Variants in ITGA9 observed in about 807,000 individuals in gnomAD.
The protein encoded by ITGA9 is integrin subunit alpha 9.
ITGA9 carries 56 observed loss-of-function variants against 127.8 expected under a neutral mutation model. The observed-to-expected ratio is 0.44, with a 90% CI of 0.35 to 0.55. The LOEUF is 0.55. Ranked by LOEUF, ITGA9 falls within the 20% of genes least tolerant of loss-of-function variation. The pLI is 0.00. For synonymous variants in ITGA9, 508 were observed against 514.5 expected (o/e 0.99, Z 0.17); for missense variants, 1,196 against 1,347.1 (o/e 0.89, Z 1.76).
intron 18 of ITGA9, among the ~76,000 whole-genome samples, chr3:37,721,628 T>C (rs1360437551): frequency 2.0e-5 from 3 of 152,206 alleles, no homozygotes; most frequent in Non-Finnish European, 4.4e-5. Flanking sequence ...GCTTTCTTTG[T>C]CCTGCTTCTC....
rs1701143548 is a variant in ITGA9, at chr3:37,717,078, G to A, written c.2068-15634G>A. ...CCTGTCCTCGTGGGCATTTCCTAAA[G>A]CTTCAGCCCTAAGCTGGTATATGTT... On this transcript the variant is annotated intron_variant, in intron 18 of 27. Coordinates refer to ENST00000264741, the MANE Select transcript of ITGA9 (RefSeq NM_002207.3). Among the ~76,000 whole-genome samples, 6 of 152,320 alleles carry A rather than the reference G, an allele frequency of 3.9e-5. No homozygotes were observed. In the South Asian group the frequency reaches 1.2e-3, roughly 32 times the overall value.
chr3:37,510,513 C>G (rs1310768076), intron 8 of ITGA9, among the ~76,000 whole-genome samples: 1 of 152,122 alleles, frequency 6.6e-6, no homozygotes, highest in Non-Finnish European at 1.5e-5. Flanking sequence ...GGATGAGAAC[C>G]TATGCTCAAG....
In ITGA9 at chr3:37,722,537, C is replaced by T. The variant is rs142625486; in HGVS notation, c.2068-10175C>T. Among the ~76,000 whole-genome samples the T allele has an allele frequency of 7.9e-4, 121 of 152,288 alleles. 1 individual carries two copies. Among genetic ancestry groups the T allele is most frequent in the African/African-American group, 2.5e-3 (104 of 41,562 alleles). On this transcript the variant is annotated intron_variant, in intron 18 of 27. Transcript: ENST00000264741. ...TCTCTCTAGATTTGCCTATTCTGGA[C>T]ATTGTGTATAAGTGGAATCATTTAT... is the stretch of plus-strand genomic sequence containing the variant.
chr3:37,497,266 G>A (rs1272514169), intron 5 of ITGA9, among the ~76,000 whole-genome samples: 1 of 149,860 alleles, frequency 6.7e-6, no homozygotes, highest in Non-Finnish European at 1.5e-5. Context: ...TATGTTTTAA[G>A]TTTGCCTATG....
chr3:37,819,279 A>G lies in ITGA9; in HGVS notation c.*290A>G, dbSNP rs1378406725. ...ACACGCATGGTCAACCCTCAGGGGA[A>G]AACTGTTACCTAAAGTATTTTTATA... is the stretch of plus-strand genomic sequence containing the variant. On this transcript the variant is annotated 3_prime_UTR_variant, in exon 28 of 28. Coordinates refer to ENST00000264741, the MANE Select transcript of ITGA9 (RefSeq NM_002207.3). 34 of 473,986 alleles carry G rather than the reference A, an allele frequency of 7.2e-5. No individual in the cohort carries two copies. Among genetic ancestry groups the G allele is most frequent in the Non-Finnish European group, 1.2e-4 (32 of 263,128 alleles). 29.4% of individuals were successfully genotyped at this position (473,986 alleles called of 1,614,324 possible).
At chr3:37,628,714 G>T (rs570800175) in intron 15 of ITGA9, among the ~76,000 whole-genome samples, 1 of 152,110 alleles carries the variant, frequency 6.6e-6, no homozygotes, top group Non-Finnish European at 1.5e-5. Context: ...CCTTGCCTCC[G>T]CTGATGTCTA....
At chr3:37,731,362 C>T (rs1696290148) in intron 18 of ITGA9, among the ~76,000 whole-genome samples, 1 of 152,176 alleles carries the variant, frequency 6.6e-6, no homozygotes, top group Non-Finnish European at 1.5e-5. Context: ...CAAGGTGATA[C>T]TAACGCTGGC....
At chr3:37,544,231 G>A (rs1699304420) in intron 15 of ITGA9, among the ~76,000 whole-genome samples, 1 of 152,200 alleles carries the variant, frequency 6.6e-6, no homozygotes, top group African/African-American at 2.4e-5. Context: ...TGGCAATAGT[G>A]AAGTGCAGGC....
At chr3:37,496,832 G>A (rs1416048804) in intron 5 of ITGA9, among the ~76,000 whole-genome samples, 5 of 152,148 alleles carry the variant, frequency 3.3e-5, no homozygotes, top group Non-Finnish European at 5.9e-5. Flanking sequence ...ATCCATTCAC[G>A]TGGCTCCTTG....
rs1018976981 is a variant in ITGA9 at position 37,799,219 on chromosome 3, C to A, written c.2890-4604C>A. Among the ~76,000 whole-genome samples the A allele has an allele frequency of 6.6e-6, 1 of 151,966 alleles. No individual in the cohort carries two copies. Among genetic ancestry groups the A allele is most frequent in the Non-Finnish European group, 1.5e-5 (1 of 68,020 alleles). On this transcript the variant is annotated intron_variant, in intron 26 of 27. Transcript: ENST00000264741. The surrounding 1 kb of genome is among the most constrained non-coding windows in gnomAD (Gnocchi z 4.0). ...TTTAAGACAGAGTCTTGCTCTTTCACCCAGGCTGGAATGCAGTGGTGCCAC... is the reference window on the plus strand; with the variant it reads ...TTTAAGACAGAGTCTTGCTCTTTCAACCAGGCTGGAATGCAGTGGTGCCAC...
At chr3:37,586,438 G>A (rs933280767) in intron 15 of ITGA9, among the ~76,000 whole-genome samples, 4 of 152,144 alleles carry the variant, frequency 2.6e-5, no homozygotes, top group Admixed American at 2.6e-4. Context: ...CTCTGGAGAG[G>A]AACACAGATG....
intron 27 of ITGA9, among the ~76,000 whole-genome samples, chr3:37,809,515 G>A (rs947771506): frequency 1.3e-5 from 2 of 152,106 alleles, no homozygotes; most frequent in African/African-American, 4.8e-5. Context: ...TTGGGGAAGA[G>A]GAGGCAAACA....
At chr3:37,592,649 G>A (rs981163068) in intron 15 of ITGA9, among the ~76,000 whole-genome samples, 2 of 152,180 alleles carry the variant, frequency 1.3e-5, no homozygotes, top group African/African-American at 2.4e-5. Flanking sequence ...GGGAAACGGC[G>A]AGGTCAAGTC....
At chr3:37,808,208 C>A (rs1697322266) in intron 27 of ITGA9, 1 of 152,278 alleles carries the variant, frequency 6.6e-6, no homozygotes, top group African/African-American at 2.4e-5. Flanking sequence ...GGACTACTAG[C>A]CACAGACGCA....
At chr3:37,615,278 G>C (rs1700063066) in intron 15 of ITGA9, among the ~76,000 whole-genome samples, 1 of 152,144 alleles carries the variant, frequency 6.6e-6, no homozygotes, top group South Asian at 2.1e-4. Flanking sequence ...TTATTGATTT[G>C]CGTATGTTGA....
intron 3 of ITGA9, among the ~76,000 whole-genome samples, chr3:37,477,116 T>A (rs1277846415): frequency 1.3e-5 from 2 of 152,220 alleles, no homozygotes; most frequent in Admixed American, 1.3e-4. Context: ...TCTTTAATGT[T>A]TCAACCCTAC....
At chr3:37,463,163 G>T (rs554742448) in intron 1 of ITGA9, among the ~76,000 whole-genome samples, 1 of 152,308 alleles carries the variant, frequency 6.6e-6, no homozygotes, top group South Asian at 2.1e-4. Flanking sequence ...GACTTAGCGG[G>T]AATTAGTGGG....
chr3:37,807,242 C>A (rs908039427), intron 27 of ITGA9: 1 of 152,258 alleles, frequency 6.6e-6, no homozygotes, highest in Non-Finnish European at 1.5e-5. Context: ...GAGACCATCA[C>A]CTCCAGTTTG....
intron 18 of ITGA9, among the ~76,000 whole-genome samples, chr3:37,700,935 G>T (rs1700939376): frequency 6.6e-6 from 1 of 152,210 alleles, no homozygotes; most frequent in African/African-American, 2.4e-5. Context: ...TCAGGAATCA[G>T]AAATGGAGAA....
Sources: gnomAD v4.1 joint callset for allele counts (sites outside exome capture counted in the v4.1 genomes callset) on GRCh38, gnomAD v4.1.1 for gene constraint, Gnocchi (gnomAD v3.1) non-coding constraint, MANE v1.5 for transcripts, NCBI Gene and HGNC (gene_info 2026-07-23, HGNC 2026-07-21) for gene names.